Variants in HPS5 observed in about 807,000 individuals in gnomAD.
HPS5 encodes HPS5 biogenesis of lysosomal organelles complex 2 subunit 2.
Under a neutral mutation model 128.0 loss-of-function variants are expected in HPS5, and 83 were observed. The observed-to-expected ratio is 0.65, with a 90% CI of 0.54 to 0.78. HPS5 has a LOEUF of 0.78. Ranked by LOEUF, HPS5 falls within the 30% of genes least tolerant of loss-of-function variation. The pLI is 0.00. For missense variants in HPS5, 1,281 were observed against 1,326.2 expected (o/e 0.97, Z 0.53); for synonymous variants, 475 against 470.2 (o/e 1.01, Z -0.13).
intron 3 of HPS5, 44 bp downstream of exon 3, chr11:18,311,870 A>G (rs1863062825): frequency 8.0e-7 from 1 of 1,246,860 alleles, no homozygotes; most frequent in East Asian, 2.3e-5. Context: ...GCATTTATGA[A>G]AGAGACTCCA....
Position 18,317,883 on chromosome 11 carries a change from G to A in HPS5, c.-25C>T, listed in dbSNP as rs919488250. ...TTTAGCCAGAAAGCTGAAACTTGTT[G>A]AATGATAGATACAGTATTCCTCACC... is the stretch of plus-strand genomic sequence containing the variant. On this transcript the variant is annotated 5_prime_UTR_variant, in exon 2 of 23. Transcript: ENST00000349215. The A allele has an allele frequency of 7.5e-6, 12 of 1,607,098 alleles. No homozygotes were observed. The African/African-American group carries it at 1.3e-4, about 18-fold the overall frequency.
Position 18,306,141 on chromosome 11 carries a change from G to C in HPS5, c.818C>G (p.Thr273Ser). Residue 273 changes from threonine (T) to serine (S), a missense_variant, in exon 7 of 23, where the codon ACT (threonine) becomes AGT (serine). Transcript: ENST00000349215. ...CAGCCATACAAATCGTTACCTGAGA[G>C]TAATCACAGGGAGAGGTGGCAACGA... ...LLSLPPLPVI[T>S]LRSEPQYDHT... 1 of 1,602,898 alleles carries C rather than the reference G, an allele frequency of 6.2e-7. No individual in the cohort carries two copies. The highest frequency in any genetic ancestry group is 2.2e-5 in the East Asian group (1 of 44,824).
intron 2 of HPS5, 48 bp downstream of exon 2, chr11:18,317,703 A>G (rs1863811432): frequency 1.3e-6 from 2 of 1,586,078 alleles, no homozygotes; most frequent in Non-Finnish European, 1.7e-6. Context: ...GGGCACAGTA[A>G]CAGAGAGCAC....
chr11:18,287,830 A>C, intron 17 of HPS5, 63 bp downstream of exon 17: 1 of 1,608,692 alleles, frequency 6.2e-7, no homozygotes, highest in Non-Finnish European at 8.5e-7. Flanking sequence ...CATGTTAGAG[A>C]CTAAAATACA....
rs750695803 is a variant in HPS5, at chr11:18,310,952, A to G, written c.285-19T>C. ...ACCTTGACTGCAAGAATTGAGTCACAGAGGCAAACGTGGCAACAGTGAACA... is the reference window on the plus strand; with the variant it reads ...ACCTTGACTGCAAGAATTGAGTCACGGAGGCAAACGTGGCAACAGTGAACA... On this transcript the variant is annotated intron_variant, in intron 4 of 22. Transcript: ENST00000349215. 9 of 1,607,018 alleles carry G rather than the reference A, an allele frequency of 5.6e-6. No homozygotes were observed. In the South Asian group the frequency reaches 9.9e-5, roughly 18 times the overall value.
Position 18,296,250 on chromosome 11 carries a change from C to T in HPS5, c.1511-128G>A, listed in dbSNP as rs1861054843. On this transcript the variant is annotated intron_variant, in intron 12 of 22. Coordinates refer to ENST00000349215, the MANE Select transcript of HPS5 (RefSeq NM_181507.2). The stretch of plus-strand genomic sequence containing the variant: ...GATTCAATACCAAAATCACAACTGA[C>T]CCAGAAACAAATGAGTGGAACACAG... 9.7e-6 allele frequency: 9 copies of T among 930,272 alleles called. No individual in the cohort carries two copies. In the South Asian group the frequency reaches 1.2e-4, roughly 12 times the overall value. The allele number at this position is 930,272 out of a possible 1,614,324, so 57.6% of individuals were successfully genotyped here.
Position 18,317,761 on chromosome 11 carries a change from C to A in HPS5, c.98G>T (p.Ser33Ile), listed in dbSNP as rs1309519335. 1.2e-6 allele frequency: 2 copies of A among 1,613,582 alleles called. No homozygotes were observed. Among genetic ancestry groups the A allele is most frequent in the Non-Finnish European group, 1.7e-6 (2 of 1,179,888 alleles). ...PLLSALRLDS[S>I]RLKCTSIAVS... Reference sequence around the variant, plus strand: ...GATCAAGAAATTCACCTTTAGACGACTGGAGTCCAGCCGCAGGGCTGAGAG... The same window carrying A: ...GATCAAGAAATTCACCTTTAGACGAATGGAGTCCAGCCGCAGGGCTGAGAG... The change falls in exon 2 of 23, where the codon AGT (serine) becomes ATT (isoleucine). Residue 33 changes from serine (S) to isoleucine (I), a missense_variant. By Grantham distance (142) the Ser-to-Ile change is moderately radical. Coordinates refer to ENST00000349215, the MANE Select transcript of HPS5 (RefSeq NM_181507.2).
intron 1 of HPS5, among the ~76,000 whole-genome samples, chr11:18,321,297 T>A (rs939780992): frequency 6.6e-6 from 1 of 152,246 alleles, no homozygotes; most frequent in Admixed American, 6.5e-5. Context: ...TCTTTTTTTC[T>A]TTTTCATTCC....
Position 18,298,880 on chromosome 11 carries a change from C to T in HPS5, c.1076G>A (p.Arg359His), listed in dbSNP as rs774619545. ...VSHLSLISVE[R>H]CVERLLRRGL... ...TCTTCTTAGCAGGCGTTCCACACAG[C>T]GCTCCACAGATATCAGGGAGAGATG... The change falls in exon 10 of 23, where the codon CGC becomes CAC. Residue 359 changes from arginine to histidine, a missense_variant. Coordinates refer to ENST00000349215, the MANE Select transcript of HPS5 (RefSeq NM_181507.2). 31 of 1,614,028 alleles carry T rather than the reference C, an allele frequency of 1.9e-5. No homozygotes were observed. Among genetic ancestry groups the T allele is most frequent in the Admixed American group, 1.0e-4 (6 of 60,004 alleles).
In HPS5 at chr11:18,297,721, A is replaced by C; in HGVS notation, c.1165-4T>G. ...CTGCAGTCAAAGTTTTTCTTGCCTA[A>C]TAAAACAACAGCGCAATGGAATAGC... On this transcript the variant is annotated splice_polypyrimidine_tract_variant and splice_region_variant and intron_variant, in intron 10 of 22. Coordinates refer to ENST00000349215, the MANE Select transcript of HPS5 (RefSeq NM_181507.2). 1 of 1,613,286 alleles carries C rather than the reference A, an allele frequency of 6.2e-7. No individual in the cohort carries two copies. The highest frequency in any genetic ancestry group is 1.1e-5 in the South Asian group (1 of 91,076).
intron 14 of HPS5, 131 bp downstream of exon 14, chr11:18,294,889 G>T: frequency 1.1e-6 from 1 of 878,800 alleles, no homozygotes; most frequent in Non-Finnish European, 1.8e-6. Flanking sequence ...TTTGTGTTGG[G>T]CCACGTTCAA....
intron 9 of HPS5, 69 bp from the exon 10 acceptor site, chr11:18,299,039 C>T (rs1211040550): frequency 9.3e-6 from 13 of 1,404,264 alleles, no homozygotes; most frequent in Admixed American, 5.0e-5. Flanking sequence ...AAAAGGGATG[C>T]AATTATTCTA....
chr11:18,308,412 C>T (rs1283839949), intron 6 of HPS5, among the ~76,000 whole-genome samples: 1 of 152,196 alleles, frequency 6.6e-6, no homozygotes, highest in African/African-American at 2.4e-5. Context: ...GAATATGTCT[C>T]ACCAGCAACG....
rs1465965728 is a variant in HPS5, at chr11:18,292,981, A to T, written c.1785-5T>A. 2 of 1,611,104 alleles carry T rather than the reference A, an allele frequency of 1.2e-6. No individual in the cohort carries two copies. Among genetic ancestry groups the T allele is most frequent in the Non-Finnish European group, 8.5e-7 (1 of 1,177,478 alleles). ...CTAGTTACCTCTTTTTCCTCCCTAA[A>T]AAAGTGTGCAAAATAACAATAACAT... On this transcript the variant is annotated splice_region_variant and splice_polypyrimidine_tract_variant and intron_variant, in intron 14 of 22. Coordinates refer to ENST00000349215, the MANE Select transcript of HPS5 (RefSeq NM_181507.2).
intron 5 of HPS5, among the ~76,000 whole-genome samples, chr11:18,309,690 G>A (rs1389629687): frequency 6.6e-6 from 1 of 152,164 alleles, no homozygotes; most frequent in African/African-American, 2.4e-5. Flanking sequence ...ATTCTGATGT[G>A]TTCATTAAAA....
Position 18,298,949 on chromosome 11 carries a change from CAG to C in HPS5, c.1005_1006del (p.Cys336Ter). 1 of 1,614,214 alleles carries C rather than the reference CAG, an allele frequency of 6.2e-7. No homozygotes were observed. The highest frequency in any genetic ancestry group is 1.1e-5 in the South Asian group (1 of 91,088). ...GTGCAAACAGAACAATTCATTCCTA[CAG>C]ACAGCCACATCCTGAATATCTACGA... On this transcript the variant is annotated frameshift_variant, in exon 10 of 23. Transcript: ENST00000349215. LOFTEE classifies it high-confidence loss of function.
chr11:18,291,390 T>A (rs1416561589), intron 16 of HPS5, 52 bp downstream of exon 16: 27 of 1,177,736 alleles, frequency 2.3e-5, no homozygotes, highest in Non-Finnish European at 3.1e-5. Flanking sequence ...TCAAAACTGC[T>A]AATGTTTTTT....
At chr11:18,285,169 A>G (rs544678940) in intron 20 of HPS5, among the ~76,000 whole-genome samples, 177 bp downstream of exon 20, 1 of 152,128 alleles carries the variant, frequency 6.6e-6, no homozygotes, top group South Asian at 2.1e-4. Flanking sequence ...GAAAAAAGCA[A>G]GAAATTTAAA....
chr11:18,308,429 C>T (rs944424633), intron 6 of HPS5, among the ~76,000 whole-genome samples: 6 of 152,184 alleles, frequency 3.9e-5, no homozygotes, highest in African/African-American at 1.2e-4. Context: ...AACGGGCTCA[C>T]GGAATACTTG....
Sources: allele counts gnomAD v4.1 joint callset (sites outside exome capture counted in the v4.1 genomes callset), GRCh38; gene constraint gnomAD v4.1.1; transcripts MANE v1.5; gene names NCBI Gene and HGNC (gene_info 2026-07-23, HGNC 2026-07-21).